Variants in STXBP6 observed in about 807,000 individuals in gnomAD.
The protein encoded by STXBP6 is syntaxin binding protein 6.
In STXBP6, 21 loss-of-function variants were observed where a neutral mutation model predicts 26.9. The ratio of observed to expected loss-of-function variants is 0.78; its 90% CI spans 0.55 to 1.12. The LOEUF is 1.12. Ranked by LOEUF, STXBP6 falls within the 50% of genes most tolerant of loss-of-function variation. STXBP6 has a pLI of 0.00. For synonymous variants in STXBP6, 97 were observed against 92.6 expected (o/e 1.05, Z -0.27); for missense variants, 232 against 257.9 (o/e 0.90, Z 0.69).
Position 24,829,744 on chromosome 14 carries a change from C to A in STXBP6, c.452-10550G>T, listed in dbSNP as rs190112144. On this transcript the variant is annotated intron_variant, in intron 4 of 5. Transcript: ENST00000323944. ...AGGCACAGCAGCAGGCTGGGAACAC[C>A]GTTGTAGGCAAAATAGACATACTCT... 7.9e-5 allele frequency among the ~76,000 whole-genome samples: 12 copies of A among 151,834 alleles called. 2 individuals carry two copies. Among genetic ancestry groups the A allele is most frequent in the Admixed American group, 3.9e-4 (6 of 15,256 alleles).
intron 2 of STXBP6, among the ~76,000 whole-genome samples, chr14:24,960,377 T>C (rs2073490824): frequency 2.0e-5 from 3 of 152,144 alleles, no homozygotes; most frequent in Non-Finnish European, 2.9e-5. Flanking sequence ...CTCCCTTCAA[T>C]AAAAAATTTA....
intron 2 of STXBP6, among the ~76,000 whole-genome samples, chr14:24,932,276 G>A (rs764240480): frequency 1.3e-5 from 2 of 152,106 alleles, no homozygotes; most frequent in Non-Finnish European, 1.5e-5. Flanking sequence ...GCGTGGTAGC[G>A]GGTGCCTGTA....
chr14:24,884,471 C>T (rs75100532), intron 2 of STXBP6, among the ~76,000 whole-genome samples: 5 of 152,122 alleles, frequency 3.3e-5, no homozygotes, highest in African/African-American at 9.7e-5. Context: ...CATTTTCCAG[C>T]GGACAGTAAT....
chr14:24,857,130 G>C lies in STXBP6; in HGVS notation c.182C>G (p.Ser61Cys), dbSNP rs751516258. The C allele has an allele frequency of 1.2e-5, 19 of 1,612,864 alleles. No individual in the cohort carries two copies. The highest frequency in any genetic ancestry group is 8.5e-7 in the Non-Finnish European group (1 of 1,179,216). ...SVTNKKPTQA[S>C]ITKVKQFEGS... ...TTCAAACTGTTTGACCTTTGTGATGGACGCCTGTGTGGGTTTCTTGTTTGT... is the reference window on the plus strand; with the variant it reads ...TTCAAACTGTTTGACCTTTGTGATGCACGCCTGTGTGGGTTTCTTGTTTGT... Residue 61 changes from serine to cysteine, a missense_variant, in exon 3 of 6, where the codon TCC becomes TGC. Physicochemically the swap from Ser to Cys is moderately radical, Grantham distance 112. Transcript: ENST00000323944.
At chr14:25,023,618 G>A (rs909775023) in intron 1 of STXBP6, among the ~76,000 whole-genome samples, 2 of 151,898 alleles carry the variant, frequency 1.3e-5, no homozygotes, top group African/African-American at 2.4e-5. Flanking sequence ...AGACTAGCCT[G>A]GGCAACATAG....
intron 2 of STXBP6, among the ~76,000 whole-genome samples, chr14:24,952,840 T>G (rs148059841): frequency 1.3e-5 from 2 of 152,294 alleles, no homozygotes; most frequent in African/African-American, 4.8e-5. Context: ...CAGAGGGCAT[T>G]CCAACTCAGA....
intron 1 of STXBP6, among the ~76,000 whole-genome samples, chr14:25,038,667 G>C (rs2075592656): frequency 6.6e-6 from 1 of 152,216 alleles, no homozygotes; most frequent in Admixed American, 6.5e-5. Context: ...CTTGATGGCA[G>C]AGGGTAGGAG....
chr14:24,836,606 CA>C (rs71449215), intron 4 of STXBP6, among the ~76,000 whole-genome samples: 153 of 44,304 alleles, frequency 3.5e-3, no homozygotes, highest in East Asian at 7.9e-3. Context: ...GACTCCCTCT[CA>C]AAAAAAAAAA....
At chr14:24,874,629 G>A (rs1456492483) in intron 2 of STXBP6, among the ~76,000 whole-genome samples, 1 of 152,120 alleles carries the variant, frequency 6.6e-6, no homozygotes, top group Non-Finnish European at 1.5e-5. Context: ...CAGGTAGAAG[G>A]TCATTTTAAT....
At chr14:24,931,903 C>T (rs2146918) in intron 2 of STXBP6, among the ~76,000 whole-genome samples, 1 of 151,824 alleles carries the variant, frequency 6.6e-6, no homozygotes, top group Non-Finnish European at 1.5e-5. Context: ...TAACAAAATA[C>T]ACAAGGACAA....
intron 2 of STXBP6, among the ~76,000 whole-genome samples, chr14:24,871,486 T>C (rs945848018): frequency 7.9e-5 from 12 of 152,172 alleles, no homozygotes; most frequent in African/African-American, 2.9e-4. Context: ...ATAACTTCCA[T>C]GAATATGTGC....
intron 1 of STXBP6, among the ~76,000 whole-genome samples, chr14:25,045,666 C>T (rs2003997): frequency 0.17 from 24,663 of 149,418 alleles, 2,368 homozygotes; most frequent in African/African-American, 0.26. Flanking sequence ...TGCAATGGCA[C>T]GATCTCGGCT....
chr14:24,918,271 T>C (rs747126760), intron 2 of STXBP6, among the ~76,000 whole-genome samples: 1 of 151,932 alleles, frequency 6.6e-6, no homozygotes. Flanking sequence ...GGGTTATGAA[T>C]TATATTTCAA....
intron 2 of STXBP6, among the ~76,000 whole-genome samples, chr14:24,862,904 T>C (rs1446868618): frequency 1.3e-5 from 2 of 152,178 alleles, no homozygotes; most frequent in Admixed American, 1.3e-4. Flanking sequence ...CGGTACTAGC[T>C]GGTTTTAATG....
chr14:24,846,670 G>T (rs1200216675), intron 4 of STXBP6, among the ~76,000 whole-genome samples: 3 of 152,072 alleles, frequency 2.0e-5, no homozygotes, highest in Non-Finnish European at 4.4e-5. Flanking sequence ...GTGAAATCTG[G>T]TAACTCTAAT....
chr14:24,916,484 T>C (rs2071770790), intron 2 of STXBP6, among the ~76,000 whole-genome samples: 1 of 152,160 alleles, frequency 6.6e-6, no homozygotes, highest in South Asian at 2.1e-4. Flanking sequence ...ATCTGCAGGT[T>C]ATCCTAAGGG....
intron 5 of STXBP6, chr14:24,815,742 AG>A (rs987652150): frequency 6.6e-6 from 1 of 152,164 alleles, no homozygotes; most frequent in Non-Finnish European, 1.5e-5. Context: ...GGGCCGTCAA[AG>A]CATTGCGTCT....
chr14:24,983,442 A>G (rs2074250708), intron 1 of STXBP6, among the ~76,000 whole-genome samples: 1 of 152,230 alleles, frequency 6.6e-6, no homozygotes, highest in African/African-American at 2.4e-5. Context: ...TAACATGAAA[A>G]TAAACATTTT....
chr14:24,848,864 T>C (rs1398814299), intron 4 of STXBP6, among the ~76,000 whole-genome samples: 1 of 152,118 alleles, frequency 6.6e-6, no homozygotes. Context: ...TGAGGAAATA[T>C]GAGAAAACAC....
Sources: gnomAD v4.1 joint callset for allele counts (sites outside exome capture counted in the v4.1 genomes callset) on GRCh38, gnomAD v4.1.1 for gene constraint, MANE v1.5 for transcripts, NCBI Gene and HGNC (gene_info 2026-07-23, HGNC 2026-07-21) for gene names.